NFKBIL1: variants seen among roughly 807,000 people sequenced by gnomAD.
NFKBIL1 encodes the protein NFKB inhibitor like 1.
A neutral mutation model predicts 45.4 loss-of-function variants in NFKBIL1; 30 were observed. The ratio of observed to expected loss-of-function variants is 0.66; its 90% CI spans 0.49 to 0.90. The LOEUF (loss-of-function observed/expected upper bound fraction) is 0.90. Ranked by LOEUF, NFKBIL1 falls within the 40% of genes least tolerant of loss-of-function variation. The pLI is 0.00. For synonymous variants in NFKBIL1, 179 were observed against 197.3 expected (o/e 0.91, Z 0.78); for missense variants, 434 against 513.4 (o/e 0.85, Z 1.49).
intron 1 of NFKBIL1, among the ~76,000 whole-genome samples, 172 bp downstream of exon 1, chr6:31,547,923 C>T (rs1769175181): frequency 6.6e-6 from 1 of 151,914 alleles, no homozygotes; most frequent in African/African-American, 2.4e-5. Context: ...AATTATTTAC[C>T]CTTTTCTCGA....
At chr6:31,548,971 CAG>C (rs1473610012) in intron 2 of NFKBIL1, among the ~76,000 whole-genome samples, 1 of 152,172 alleles carries the variant, frequency 6.6e-6, no homozygotes, top group African/African-American at 2.4e-5. Context: ...GCTGAGGAAA[CAG>C]GGCATAGAGA....
At chr6:31,548,673 T>C (rs1281935486) in intron 2 of NFKBIL1, among the ~76,000 whole-genome samples, 1 of 152,202 alleles carries the variant, frequency 6.6e-6, no homozygotes, top group Non-Finnish European at 1.5e-5. Flanking sequence ...CTGTTTAGAT[T>C]AGTAGCTACT....
intron 2 of NFKBIL1, among the ~76,000 whole-genome samples, chr6:31,549,125 C>T (rs1265158762): frequency 3.3e-5 from 5 of 152,156 alleles, no homozygotes. Context: ...TGCCCATGTT[C>T]AGAGTACCCA....
Position 31,558,368 on chromosome 6 carries a change from C to A in NFKBIL1, c.903C>A (p.Pro301=). 1.3e-6 allele frequency: 2 copies of A among 1,553,958 alleles called. No individual in the cohort carries two copies. Among genetic ancestry groups the A allele is most frequent in the East Asian group, 2.4e-5 (1 of 41,982 alleles). ...GCCTCTGGCGATTTGGTGATGTGCCCTGGCCCTGCCCTGGGGGAGGGGACC... is the reference window on the plus strand; with the variant it reads ...GCCTCTGGCGATTTGGTGATGTGCCATGGCCCTGCCCTGGGGGAGGGGACC... The part of the protein sequence containing the change: ...RGSLWRFGDV[P]WPCPGGGDPE... Residue 301 remains proline, a synonymous_variant, in exon 4 of 4, where the codon CCC becomes CCA. Transcript: ENST00000376148. The surrounding 1 kb of genome is among the most constrained non-coding windows in gnomAD (Gnocchi z 7.2).
intron 2 of NFKBIL1, among the ~76,000 whole-genome samples, chr6:31,554,896 A>G (rs1357077610): frequency 6.6e-6 from 1 of 152,252 alleles, no homozygotes; most frequent in Non-Finnish European, 1.5e-5. Context: ...AAAGTCGTCA[A>G]AAAGTATGAG....
chr6:31,553,492 T>C (rs574675282), intron 2 of NFKBIL1, among the ~76,000 whole-genome samples: 1 of 152,224 alleles, frequency 6.6e-6, no homozygotes, highest in African/African-American at 2.4e-5. Flanking sequence ...ACAGATGGCC[T>C]GGGGAGGAAT....
intron 2 of NFKBIL1, among the ~76,000 whole-genome samples, chr6:31,555,378 C>T (rs938594622): frequency 2.0e-5 from 3 of 151,328 alleles, no homozygotes; most frequent in Admixed American, 6.6e-5. Flanking sequence ...GCTGGGATTA[C>T]AGGCACATGC....
In NFKBIL1 at chr6:31,558,000, C is replaced by G; in HGVS notation, c.557-22C>G. 1.3e-6 allele frequency: 2 copies of G among 1,483,528 alleles called. 1 individual carries two copies. Among genetic ancestry groups the G allele is most frequent in the Non-Finnish European group, 1.8e-6 (2 of 1,082,166 alleles). 91.9% of individuals were successfully genotyped at this position (1,483,528 alleles called of 1,614,324 possible). A position where few individuals can be genotyped will look rare whatever the true frequency, so the allele number is the denominator to read the frequency against. ...TTCTCACAGCCTCTCTCCAACTACC[C>G]CCATCCCACCCTCCCAAACAGGTGA... On this transcript the variant is annotated intron_variant, in intron 3 of 3. Transcript: ENST00000376148. The surrounding 1 kb of genome is among the most constrained non-coding windows in gnomAD (Gnocchi z 5.4).
At position 31,548,188 on chromosome 6, in the gene NFKBIL1, C is replaced by T. The variant is rs1769201990; in HGVS notation, c.83C>T (p.Ser28Phe). The change falls in exon 2 of 4, where the codon TCC becomes TTC. Residue 28 changes from serine (S) to phenylalanine (F), a missense_variant. Ser to Phe is a radical substitution (Grantham distance 155). Around this residue, in one of 4 missense-constraint regions of NFKBIL1, gnomAD observed 231 missense variants for 264.1 expected, o/e 0.87. Coordinates refer to ENST00000376148, the MANE Select transcript of NFKBIL1 (RefSeq NM_005007.4). ...CRPKSSMAST[S>F]RRQRRERRFR... is the part of the protein sequence containing the mutation. ...CCCAAGAGTTCCATGGCCTCCACTT[C>T]CCGCCGCCAACGCCGAGAACGTCGC... The T allele has an allele frequency of 1.2e-6, 2 of 1,613,156 alleles. No individual in the cohort carries two copies. The highest frequency in any genetic ancestry group is 2.2e-5 in the East Asian group (1 of 44,892).
upstream of NFKBIL1, chr6:31,547,561 C>G: frequency 3.6e-6 from 2 of 563,362 alleles, no homozygotes; most frequent in Non-Finnish European, 6.1e-6. Context: ...CCGTCCTCCA[C>G]CTGCGTCTCT....
intron 2 of NFKBIL1, among the ~76,000 whole-genome samples, chr6:31,548,979 A>G (rs1181284919): frequency 6.6e-6 from 1 of 152,250 alleles, no homozygotes; most frequent in Non-Finnish European, 1.5e-5. Context: ...AACAGGGCAT[A>G]GAGAAGTCAT....
In NFKBIL1 at chr6:31,557,748, A is replaced by C; in HGVS notation, c.455A>C (p.Glu152Ala). 6.2e-7 allele frequency: 1 copy of C among 1,612,520 alleles called. No homozygotes were observed. The highest frequency in any genetic ancestry group is 8.5e-7 in the Non-Finnish European group (1 of 1,179,078). ...TGGGGACCCCCCTGGGATTCTGCTG[A>C]AGAGGAGGAAGAAGATGATGCCTCC... is the stretch of plus-strand genomic sequence containing the variant. ...LGWGPPWDSA[E>A]EEEEDDASKE... Residue 152 changes from glutamate (E) to alanine (A), a missense_variant, in exon 3 of 4, where the codon GAA becomes GCA. This residue lies in a region of NFKBIL1 where 231 missense variants were observed against 264.1 expected (regional missense o/e 0.87). Coordinates refer to ENST00000376148, the MANE Select transcript of NFKBIL1 (RefSeq NM_005007.4). The surrounding 1 kb of genome is among the most constrained non-coding windows in gnomAD (Gnocchi z 5.4).
chr6:31,547,808 C>G (rs916636827), intron 1 of NFKBIL1, 57 bp downstream of exon 1: 14 of 1,425,170 alleles, frequency 9.8e-6, no homozygotes, highest in Non-Finnish European at 1.3e-5. Flanking sequence ...CTTTTTAAAA[C>G]TCAGATTTCT....
At chr6:31,552,726 A>C (rs1381216343) in intron 2 of NFKBIL1, among the ~76,000 whole-genome samples, 1 of 71,550 alleles carries the variant, frequency 1.4e-5, no homozygotes, top group Non-Finnish European at 2.5e-5. Context: ...GAAGTGGGGG[A>C]TGGAGTCTCA....
chr6:31,550,641 A>C (rs1009981992), intron 2 of NFKBIL1, among the ~76,000 whole-genome samples: 2 of 151,866 alleles, frequency 1.3e-5, no homozygotes, highest in Admixed American at 6.6e-5. Flanking sequence ...CATGCAGCTT[A>C]CCTCTGTGAG....
At chr6:31,556,845 G>T in intron 2 of NFKBIL1, 1 of 437,738 alleles carries the variant, frequency 2.3e-6, no homozygotes. Flanking sequence ...ATTGATAAGT[G>T]ATAATAAAAG....
chr6:31,555,817 T>TTTTG (rs1483630970), intron 2 of NFKBIL1, among the ~76,000 whole-genome samples: 2 of 149,330 alleles, frequency 1.3e-5, no homozygotes, highest in Non-Finnish European at 3.0e-5. Flanking sequence ...TATATATATA[T>TTTTG]TTTGTTTGTT....
intron 2 of NFKBIL1, among the ~76,000 whole-genome samples, chr6:31,551,745 C>T (rs917813044): frequency 6.6e-6 from 1 of 152,072 alleles, no homozygotes; most frequent in African/African-American, 2.4e-5. Flanking sequence ...CAGGCACACA[C>T]CACCATGCCC....
At position 31,558,321 on chromosome 6, in the gene NFKBIL1, C is replaced by A; in HGVS notation, c.856C>A (p.Pro286Thr). Reference protein sequence around the residue: ...PTRAGPREEHPRGAGRGSLWR... With the variant: ...PTRAGPREEHTRGAGRGSLWR... The stretch of plus-strand genomic sequence containing the variant: ...CAGGGCCGGGCCCAGGGAAGAGCAC[C>A]CCAGAGGAGCGGGGAGGGGCAGCCT... The change falls in exon 4 of 4, where the codon CCC becomes ACC. Residue 286 changes from proline (P) to threonine (T), a missense_variant. Transcript: ENST00000376148. The surrounding 1 kb of genome is among the most constrained non-coding windows in gnomAD (Gnocchi z 7.2). 1 of 1,572,368 alleles carries A rather than the reference C, an allele frequency of 6.4e-7. No homozygotes were observed. The highest frequency in any genetic ancestry group is 8.6e-7 in the Non-Finnish European group (1 of 1,157,728).
Sources: gnomAD v4.1 joint callset for allele counts (sites outside exome capture counted in the v4.1 genomes callset) on GRCh38, gnomAD v4.1.1 for gene constraint, gnomAD v4.1.1 regional missense constraint, Gnocchi (gnomAD v3.1) non-coding constraint, MANE v1.5 for transcripts, NCBI Gene and HGNC (gene_info 2026-07-23, HGNC 2026-07-21) for gene names.